SEPTIN10: variants seen among roughly 807,000 people sequenced by gnomAD.
SEPTIN10 encodes septin-10.
In SEPTIN10, 66 loss-of-function variants were observed where a neutral mutation model predicts 54.8. The observed-to-expected ratio is 1.21, with a 90% confidence interval of 0.99 to 1.48. The LOEUF is 1.48. SEPTIN10 is among the 40% of genes most tolerant of loss of function. The pLI, the probability that SEPTIN10 is intolerant of heterozygous loss-of-function variation, is 0.00. For missense variants in SEPTIN10, 620 were observed against 545.6 expected (o/e 1.14, Z -1.36); for synonymous variants, 161 against 181.0 (o/e 0.89, Z 0.89).
At chr2:109,606,672 C>CTTTTTTT (rs34414105) in intron 1 of SEPTIN10, among the ~76,000 whole-genome samples, 74 of 71,908 alleles carry the variant, frequency 1.0e-3, no homozygotes, top group African/African-American at 1.6e-3. Context: ...AAATTTTAAG[C>CTTTTTTT]TTTTTTTTTT....
intron 2 of SEPTIN10, among the ~76,000 whole-genome samples, chr2:109,589,701 T>C (rs1693480487): frequency 6.6e-6 from 1 of 152,044 alleles, no homozygotes; most frequent in Non-Finnish European, 1.5e-5. Context: ...AGCTTGGCAG[T>C]TTCCTATGAA....
chr2:109,553,168 C>T lies in SEPTIN10; in HGVS notation c.1080G>A (p.Gln360=). ...TCTGTTTCATTTCTTCTTCCTTCCT[C>T]TGACGTTCACCATGGAACTCATGTC... ...AKRHEFHGER[Q]RKEEEMKQMF... Residue 360 remains glutamine, a synonymous_variant, in exon 9 of 11, where the codon CAG becomes CAA. Coordinates refer to ENST00000397712, the MANE Select transcript of SEPTIN10 (RefSeq NM_144710.5). The T allele has an allele frequency of 1.2e-6, 2 of 1,614,172 alleles. No homozygotes were observed. Among genetic ancestry groups the T allele is most frequent in the Non-Finnish European group, 1.7e-6 (2 of 1,180,028 alleles).
At position 109,582,075 on chromosome 2, in the gene SEPTIN10, GACACACACACACACAC is replaced by G. The variant is rs55880328; in HGVS notation, c.413+3035_413+3050del. Among the ~76,000 whole-genome samples, 64 of 143,874 alleles carry G rather than the reference GACACACACACACACAC, an allele frequency of 4.4e-4. 1 individual carries two copies. Among genetic ancestry groups the G allele is most frequent in the African/African-American group, 6.0e-4 (24 of 39,832 alleles). The allele number at this position is 143,874 out of a possible 152,430, so 94.4% of individuals were successfully genotyped here. On this transcript the variant is annotated intron_variant, in intron 4 of 10. Coordinates refer to ENST00000397712, the MANE Select transcript of SEPTIN10 (RefSeq NM_144710.5). Reference sequence around the variant, plus strand: ...CAAGAACACAATGCCATGTACAACAGACACACACACACACACACACACACACACACACACACACTCA... The same window carrying G: ...CAAGAACACAATGCCATGTACAACAGACACACACACACACACACACACTCA...
intron 1 of SEPTIN10, among the ~76,000 whole-genome samples, chr2:109,598,265 T>C (rs535443334): frequency 1.3e-5 from 2 of 152,022 alleles, no homozygotes; most frequent in African/African-American, 4.8e-5. Flanking sequence ...ACAGGGTTTC[T>C]CCACGTTGGT....
At chr2:109,608,124 T>C (rs1394732388) in intron 1 of SEPTIN10, among the ~76,000 whole-genome samples, 4 of 152,216 alleles carry the variant, frequency 2.6e-5, no homozygotes, top group African/African-American at 9.6e-5. Flanking sequence ...AAAAGCAGCT[T>C]TTTATTTTAA....
At chr2:109,595,955 A>G (rs1695214725) in intron 1 of SEPTIN10, among the ~76,000 whole-genome samples, 1 of 152,210 alleles carries the variant, frequency 6.6e-6, no homozygotes, top group Admixed American at 6.5e-5. Flanking sequence ...ATCTGTGTCT[A>G]CTATAAGTGA....
At chr2:109,582,075 G>GACACACACACACAC (rs55880328) in intron 4 of SEPTIN10, among the ~76,000 whole-genome samples, 1 of 143,768 alleles carries the variant, frequency 7.0e-6, no homozygotes, top group African/African-American at 2.5e-5. Context: ...ATGTACAACA[G>GACACACACACACAC]ACACACACAC....
chr2:109,554,805 T>C (rs566381162), intron 8 of SEPTIN10, among the ~76,000 whole-genome samples: 26 of 152,176 alleles, frequency 1.7e-4, no homozygotes, highest in Non-Finnish European at 3.4e-4. Flanking sequence ...AAACATGAAA[T>C]TTCCTATAGC....
chr2:109,608,461 G>A (rs1184340873), intron 1 of SEPTIN10, among the ~76,000 whole-genome samples: 3 of 152,188 alleles, frequency 2.0e-5, no homozygotes, highest in Non-Finnish European at 2.9e-5. Context: ...GGAAGGTAAA[G>A]GAAATCAGAG....
chr2:109,588,758 T>C (rs1483111881), intron 2 of SEPTIN10, among the ~76,000 whole-genome samples: 1 of 151,110 alleles, frequency 6.6e-6, no homozygotes, highest in Non-Finnish European at 1.5e-5. Flanking sequence ...CTCAAAGTGC[T>C]AGGATTACAG....
At chr2:109,581,629 T>C (rs1362408865) in intron 4 of SEPTIN10, among the ~76,000 whole-genome samples, 1 of 152,142 alleles carries the variant, frequency 6.6e-6, no homozygotes, top group African/African-American at 2.4e-5. Context: ...ATCTGTACCA[T>C]TTGGTATTTT....
rs551988675 is a variant in SEPTIN10, at chr2:109,594,633, G to A, written c.31-1514C>T. ...CTCCTCTGCAATTACAATGAACCATGCTGCAACAAACGGCATTGCAATGAA... is the reference window on the plus strand; with the variant it reads ...CTCCTCTGCAATTACAATGAACCATACTGCAACAAACGGCATTGCAATGAA... On this transcript the variant is annotated intron_variant, in intron 1 of 10. Transcript: ENST00000397712. The A allele has an allele frequency of 4.6e-5, 7 of 152,392 alleles. 1 individual carries two copies. The highest frequency in any genetic ancestry group is 1.4e-4 in the African/African-American group (6 of 41,578). 9.4% of individuals were successfully genotyped at this position (152,392 alleles called of 1,614,324 possible). A position where few individuals can be genotyped will look rare whatever the true frequency, so the allele number is the denominator to read the frequency against.
chr2:109,572,255 C>T (rs1281502356), intron 5 of SEPTIN10, among the ~76,000 whole-genome samples: 2 of 151,734 alleles, frequency 1.3e-5, no homozygotes, highest in Admixed American at 1.3e-4. Context: ...CTCAGTCTCC[C>T]GAGTAGCCGG....
rs535659855 is a variant in SEPTIN10, at chr2:109,577,812, C to T, written c.414-3045G>A. Among the ~76,000 whole-genome samples the T allele has an allele frequency of 2.0e-5, 3 of 147,634 alleles. No homozygotes were observed. In the South Asian group the frequency reaches 6.5e-4, roughly 32 times the overall value. On this transcript the variant is annotated intron_variant, in intron 4 of 10. Coordinates refer to ENST00000397712, the MANE Select transcript of SEPTIN10 (RefSeq NM_144710.5). ...ACTGCAGTACCAGCTACACAGGAGG[C>T]TGAGGCTTAAGAATCACTTGAACCC...
intron 1 of SEPTIN10, chr2:109,613,292 A>G: frequency 2.9e-6 from 2 of 700,966 alleles, no homozygotes; most frequent in Non-Finnish European, 4.0e-6. Context: ...CAAGGCGGGA[A>G]AAAAACGGTT....
At chr2:109,549,983 C>T (rs904818537) in intron 9 of SEPTIN10, among the ~76,000 whole-genome samples, 2 of 152,108 alleles carry the variant, frequency 1.3e-5, no homozygotes, top group Non-Finnish European at 2.9e-5. Context: ...CTTTTGTAAA[C>T]ACTACTTTTA....
chr2:109,558,111 C>A (rs1684808536), intron 8 of SEPTIN10, among the ~76,000 whole-genome samples: 1 of 151,928 alleles, frequency 6.6e-6, no homozygotes, highest in African/African-American at 2.4e-5. Flanking sequence ...TATTTAATGC[C>A]AACATACTAC....
chr2:109,604,946 A>G (rs1366303195), intron 1 of SEPTIN10: 1 of 152,208 alleles, frequency 6.6e-6, no homozygotes, highest in African/African-American at 2.4e-5. Context: ...GTGAAGCAGG[A>G]AAGAGAATAG....
intron 1 of SEPTIN10, among the ~76,000 whole-genome samples, chr2:109,599,004 T>C (rs1260426226): frequency 6.6e-6 from 1 of 152,214 alleles, no homozygotes; most frequent in Admixed American, 6.5e-5. Context: ...TAAAATCATT[T>C]TATAACATCT....
Sources: gnomAD v4.1 joint callset for allele counts (sites outside exome capture counted in the v4.1 genomes callset) on GRCh38, gnomAD v4.1.1 for gene constraint, MANE v1.5 for transcripts, NCBI Gene and HGNC (gene_info 2026-07-23, HGNC 2026-07-21) for gene names.